The following GPR19 variants were observed in gnomAD, a reference collection of about 807,000 sequenced individuals.
GPR19 encodes the protein G protein-coupled receptor 19, also known as probable G protein-coupled receptor 19.
A neutral mutation model predicts 28.5 loss-of-function variants in GPR19; 14 were observed. The ratio of observed to expected loss-of-function variants is 0.49; its 90% CI spans 0.32 to 0.77. The LOEUF (loss-of-function observed/expected upper bound fraction) is 0.77. Ranked by LOEUF, GPR19 falls within the 30% of genes least tolerant of loss-of-function variation. The pLI is 0.03. For missense variants in GPR19, 409 were observed against 504.1 expected, an observed-to-expected ratio of 0.81 and a Z score of 1.81; for synonymous variants, 173 against 184.1, an observed-to-expected ratio of 0.94 and a Z score of 0.49.
At chr12:12,701,968 A>T in the GPR19 span, among the ~76,000 whole-genome samples, 2 of 150,728 alleles carry the variant, frequency 1.3e-5, no homozygotes, top group Non-Finnish European at 2.9e-5. Context: ...CTCTTCAGTA[A>T]ATCTTTTCCT....
At chr12:12,670,862 G>A (rs889094147) in intron 3 of GPR19, among the ~76,000 whole-genome samples, 13 of 139,508 alleles carry the variant, frequency 9.3e-5, no homozygotes, top group African/African-American at 3.2e-4. Flanking sequence ...AATCATTGAG[G>A]CCAAATAAAT....
chr12:12,682,785 G>T lies in GPR19; in HGVS notation c.-23+1566C>A, dbSNP rs576350615. On this transcript the variant is annotated intron_variant, in intron 3 of 3. Transcript: ENST00000651487. ...AGATCAGTCATCTTTTATTATCAAA[G>T]GCCAGAAGGAAATCTACACAGATCA... Among the ~76,000 whole-genome samples, 3 of 152,056 alleles carry T rather than the reference G, an allele frequency of 2.0e-5. No homozygotes were observed. In the South Asian group the frequency reaches 6.2e-4, roughly 32 times the overall value.
rs541144521 is a variant in GPR19, at chr12:12,683,040, T to C, written c.-23+1311A>G. ...TTATTTTGAGAACTAGGTAGGTGCTTTTAAAGAAAATATGCTTAGGCTGGC... is the reference window on the plus strand; with the variant it reads ...TTATTTTGAGAACTAGGTAGGTGCTCTTAAAGAAAATATGCTTAGGCTGGC... On this transcript the variant is annotated intron_variant, in intron 3 of 3. Coordinates refer to ENST00000651487, the MANE Select transcript of GPR19 (RefSeq NM_006143.3). Among the ~76,000 whole-genome samples, 10 of 152,314 alleles carry C rather than the reference T, an allele frequency of 6.6e-5. No individual in the cohort carries two copies. In the South Asian group the frequency reaches 2.1e-3, roughly 32 times the overall value.
At chr12:12,681,817 A>G (rs1946027437) in intron 3 of GPR19, among the ~76,000 whole-genome samples, 1 of 152,246 alleles carries the variant, frequency 6.6e-6, no homozygotes, top group Admixed American at 6.5e-5. Context: ...TTTAAGCCTT[A>G]CTATCTTGCT....
In GPR19 at chr12:12,661,860, G is replaced by A; in HGVS notation, c.589C>T (p.Pro197Ser). 1 of 1,614,066 alleles carries A rather than the reference G, an allele frequency of 6.2e-7. No homozygotes were observed. Among genetic ancestry groups the A allele is most frequent in the Non-Finnish European group, 8.5e-7 (1 of 1,180,020 alleles). ...SWVFDAGFVT[P>S]VLFFYGSNWD... ...TTGGAGCCATAGAAAAAGAGCACAG[G>A]GGTCACAAAGCCTGCATCAAAGACC... The change falls in exon 4 of 4, where the codon CCT becomes TCT. Residue 197 changes from proline (P) to serine (S), a missense_variant. Coordinates refer to ENST00000651487, the MANE Select transcript of GPR19 (RefSeq NM_006143.3). The surrounding 1 kb of genome is among the most constrained non-coding windows in gnomAD (Gnocchi z 4.2).
chr12:12,672,538 G>C (rs1485409407), intron 3 of GPR19, among the ~76,000 whole-genome samples: 2 of 152,178 alleles, frequency 1.3e-5, no homozygotes, highest in African/African-American at 4.8e-5. Flanking sequence ...CTTGAGGTTA[G>C]GAGTTTGAGA....
rs181223510 is a variant in GPR19, at chr12:12,694,135, T to C, written c.-180+1324A>G. Among the ~76,000 whole-genome samples, 275 of 151,258 alleles carry C rather than the reference T, an allele frequency of 1.8e-3. 1 individual carries two copies. The highest frequency in any genetic ancestry group is 6.4e-3 in the African/African-American group (264 of 41,280). On this transcript the variant is annotated intron_variant, in intron 2 of 3. Transcript: ENST00000651487. ...ATAGAGAAAAGCCAGGGCATTAGGATTTTTTTAAGCTCCCAAGGTGATTCT... is the reference window on the plus strand; with the variant it reads ...ATAGAGAAAAGCCAGGGCATTAGGACTTTTTTAAGCTCCCAAGGTGATTCT...
At chr12:12,715,258 T>C in the GPR19 span, among the ~76,000 whole-genome samples, 10 of 152,344 alleles carry the variant, frequency 6.6e-5, no homozygotes, top group Admixed American at 6.5e-4. Context: ...GTATAAATTA[T>C]GGTAGGGAGG....
the GPR19 span, among the ~76,000 whole-genome samples, chr12:12,714,878 A>G: frequency 2.6e-5 from 4 of 152,168 alleles, no homozygotes; most frequent in Admixed American, 2.6e-4. Context: ...AACACTTTAG[A>G]TCATTGTGAG....
At chr12:12,697,153 T>TAAAAAAAAAAAAAAAAA (rs386375639), upstream of GPR19, among the ~76,000 whole-genome samples, 98 of 48,844 alleles carry the variant, frequency 2.0e-3, 27 homozygotes, top group South Asian at 8.7e-3. Flanking sequence ...TGAAGCGAAG[T>TAAAAAAAAAAAAAAAAA]AAAAAAAAAA....
intron 3 of GPR19, among the ~76,000 whole-genome samples, chr12:12,677,523 C>T (rs925751513): frequency 3.3e-5 from 5 of 151,972 alleles, no homozygotes; most frequent in African/African-American, 9.6e-5. Context: ...GTGATCCACC[C>T]GCCTTGGCCT....
upstream of GPR19, among the ~76,000 whole-genome samples, chr12:12,697,153 TAAAA>T (rs386375639): frequency 1.5e-3 from 74 of 48,844 alleles, 3 homozygotes; most frequent in East Asian, 0.018. Flanking sequence ...TGAAGCGAAG[TAAAA>T]AAAAAAAAAA....
chr12:12,713,977 G>A, the GPR19 span, among the ~76,000 whole-genome samples: 26,168 of 152,098 alleles, frequency 0.17, 2,381 homozygotes, highest in East Asian at 0.32. Flanking sequence ...CATGTGCTGT[G>A]TTCATTTTCT....
chr12:12,682,050 T>A (rs537586306), intron 3 of GPR19, among the ~76,000 whole-genome samples: 2 of 152,272 alleles, frequency 1.3e-5, no homozygotes, highest in East Asian at 3.9e-4. Context: ...TAGGAGAGAA[T>A]TGCCTGAGGC....
At chr12:12,683,750 GCCT>G (rs1458418428) in intron 3 of GPR19, among the ~76,000 whole-genome samples, 2 of 152,204 alleles carry the variant, frequency 1.3e-5, no homozygotes, top group Non-Finnish European at 2.9e-5. Context: ...GATTATTTTA[GCCT>G]GTAACTTTGG....
At chr12:12,697,177 A>G (rs1056432836), upstream of GPR19, among the ~76,000 whole-genome samples, 3 of 148,898 alleles carry the variant, frequency 2.0e-5, no homozygotes, top group African/African-American at 7.4e-5. Flanking sequence ...AAAAAAAAAA[A>G]GCAGCCATGC....
intron 2 of GPR19, among the ~76,000 whole-genome samples, chr12:12,691,185 TAAAA>T (rs946307778): frequency 6.6e-6 from 1 of 151,362 alleles, no homozygotes; most frequent in Non-Finnish European, 1.5e-5. Context: ...AAATAAAAAA[TAAAA>T]AAATAAAAAG....
At chr12:12,692,530 A>C (rs1946198763) in intron 2 of GPR19, among the ~76,000 whole-genome samples, 1 of 151,986 alleles carries the variant, frequency 6.6e-6, no homozygotes, top group Non-Finnish European at 1.5e-5. Context: ...ACTGCGCCTG[A>C]CTCAAATTTA....
rs566179231 is a variant in GPR19, at chr12:12,662,093, G to A, written c.356C>T (p.Thr119Met). The stretch of plus-strand genomic sequence containing the variant: ...GGTGAACTGGAGCAGGACGAAAGGC[G>A]TGCTGGCAACGCTGATGAGAAGGTC... The part of the protein sequence containing the change: ...CADLLISVAS[T>M]PFVLLQFTTG... The change falls in exon 4 of 4, where the codon ACG (threonine) becomes ATG (methionine). Residue 119 changes from threonine (T) to methionine (M), a missense_variant. Transcript: ENST00000651487. The A allele has an allele frequency of 1.4e-5, 23 of 1,614,204 alleles. No individual in the cohort carries two copies. The highest frequency in any genetic ancestry group is 2.2e-5 in the South Asian group (2 of 91,088).
Sources: gnomAD v4.1 joint callset for allele counts (sites outside exome capture counted in the v4.1 genomes callset) on GRCh38, gnomAD v4.1.1 for gene constraint, Gnocchi (gnomAD v3.1) non-coding constraint, MANE v1.5 for transcripts, NCBI Gene and HGNC (gene_info 2026-07-23, HGNC 2026-07-21) for gene names.